The following NEGR1 variants were observed in gnomAD, a reference collection of about 807,000 sequenced individuals.
NEGR1 encodes the protein IgLON family member 4.
Under a neutral mutation model 40.9 loss-of-function variants are expected in NEGR1, and 10 were observed. The observed-to-expected ratio is 0.24, with a 90% CI of 0.15 to 0.42. The LOEUF is 0.42. NEGR1 is among the 10% of genes least tolerant of loss of function. The probability of loss-of-function intolerance (pLI) is 1.00; values close to 1 mark genes in which losing one functional copy is unlikely to be tolerated. For synonymous variants in NEGR1, 185 were observed against 166.8 expected (o/e 1.11, Z -0.84); for missense variants, 352 against 438.9 (o/e 0.80, Z 1.77).
At chr1:72,226,484 A>G (rs962581248) in intron 1 of NEGR1, among the ~76,000 whole-genome samples, 2 of 152,022 alleles carry the variant, frequency 1.3e-5, no homozygotes, top group Non-Finnish European at 2.9e-5. Context: ...GAATATTGAG[A>G]AAATAATTAT....
At chr1:71,769,467 C>T (rs1315093106) in intron 3 of NEGR1, among the ~76,000 whole-genome samples, 1 of 152,064 alleles carries the variant, frequency 6.6e-6, no homozygotes, top group African/African-American at 2.4e-5. Flanking sequence ...TTCCCATAAT[C>T]CCCATGTGTT....
At chr1:72,140,345 A>G (rs1052345105) in intron 1 of NEGR1, among the ~76,000 whole-genome samples, 1 of 152,058 alleles carries the variant, frequency 6.6e-6, no homozygotes, top group African/African-American at 2.4e-5. Context: ...AAATAAATTT[A>G]CTGGCTCACA....
intron 6 of NEGR1, among the ~76,000 whole-genome samples, chr1:71,574,066 C>CA (rs1648885715): frequency 6.6e-6 from 1 of 152,164 alleles, no homozygotes; most frequent in Non-Finnish European, 1.5e-5. Context: ...TTATTCAGGC[C>CA]ATTTCTTACA....
At chr1:72,225,444 C>A (rs1654161286) in intron 1 of NEGR1, among the ~76,000 whole-genome samples, 1 of 151,238 alleles carries the variant, frequency 6.6e-6, no homozygotes, top group African/African-American at 2.4e-5. Context: ...TCTTAATATT[C>A]ATATTTTACA....
At chr1:72,013,151 T>C (rs1252942106) in intron 1 of NEGR1, among the ~76,000 whole-genome samples, 1 of 151,962 alleles carries the variant, frequency 6.6e-6, no homozygotes, top group African/African-American at 2.4e-5. Flanking sequence ...GGAGCATGAA[T>C]GGACCCCAGA....
At chr1:71,798,431 C>A (rs530562359) in intron 2 of NEGR1, among the ~76,000 whole-genome samples, 3 of 152,090 alleles carry the variant, frequency 2.0e-5, no homozygotes, top group African/African-American at 7.2e-5. Flanking sequence ...CATTAGGTGA[C>A]AATAAAAATT....
At chr1:71,421,907 C>T in intron 6 of NEGR1, among the ~76,000 whole-genome samples, 1 of 146,228 alleles carries the variant, frequency 6.8e-6, no homozygotes. Context: ...TTAATATCTC[C>T]TTGTTACACT....
intron 1 of NEGR1, among the ~76,000 whole-genome samples, chr1:72,190,034 G>A (rs1245802205): frequency 2.6e-5 from 4 of 151,184 alleles, no homozygotes; most frequent in Non-Finnish European, 5.9e-5. Context: ...AGAAGTCATC[G>A]ACCTAGAATC....
intron 1 of NEGR1, among the ~76,000 whole-genome samples, chr1:72,077,036 A>C (rs1305624305): frequency 2.0e-5 from 3 of 151,704 alleles, no homozygotes; most frequent in African/African-American, 7.3e-5. Context: ...GTAGGTCTAC[A>C]GGTGCCCGCC....
intron 4 of NEGR1, among the ~76,000 whole-genome samples, chr1:71,684,788 T>C (rs1652972016): frequency 6.6e-6 from 1 of 152,198 alleles, no homozygotes; most frequent in Non-Finnish European, 1.5e-5. Context: ...ATTCTCCCGG[T>C]AATATGGTTG....
At chr1:71,588,991 C>A (rs1649407268) in intron 6 of NEGR1, among the ~76,000 whole-genome samples, 1 of 152,124 alleles carries the variant, frequency 6.6e-6, no homozygotes, top group African/African-American at 2.4e-5. Flanking sequence ...CATAGCCTAA[C>A]CTCTGAAAAG....
intron 3 of NEGR1, among the ~76,000 whole-genome samples, chr1:71,705,611 T>C (rs1308821066): frequency 6.6e-6 from 1 of 152,204 alleles, no homozygotes; most frequent in East Asian, 1.9e-4. Context: ...TCCCAGCTAC[T>C]CAGGAGGCTG....
chr1:71,576,847 G>T (rs567721970), intron 6 of NEGR1, among the ~76,000 whole-genome samples: 1 of 152,256 alleles, frequency 6.6e-6, no homozygotes, highest in African/African-American at 2.4e-5. Context: ...TAGATTTGAT[G>T]CTTTGAACTG....
chr1:71,924,672 G>A (rs1229460489), intron 2 of NEGR1, among the ~76,000 whole-genome samples: 1 of 152,148 alleles, frequency 6.6e-6, no homozygotes, highest in Admixed American at 6.5e-5. Context: ...TACAGTCTTT[G>A]TAGCTAACTC....
intron 1 of NEGR1, among the ~76,000 whole-genome samples, chr1:72,214,138 G>A (rs900551797): frequency 6.6e-6 from 1 of 151,674 alleles, no homozygotes; most frequent in Non-Finnish European, 1.5e-5. Context: ...CAGTAGATTC[G>A]GAAAAAGCCT....
intron 1 of NEGR1, among the ~76,000 whole-genome samples, chr1:72,269,443 A>C (rs1251886032): frequency 6.6e-6 from 1 of 151,706 alleles, no homozygotes; most frequent in Non-Finnish European, 1.5e-5. Context: ...TTTAAGGACT[A>C]GAGTGCACAA....
At position 72,273,343 on chromosome 1, in the gene NEGR1, T is replaced by A. The variant is rs187968327; in HGVS notation, c.176+8976A>T. Among the ~76,000 whole-genome samples the A allele has an allele frequency of 2.6e-5, 4 of 152,102 alleles. No homozygotes were observed. The East Asian group carries it at 7.8e-4, about 30-fold the overall frequency. On this transcript the variant is annotated intron_variant, in intron 1 of 6. Transcript: ENST00000357731. ...TAGGAGAAAGGAAGAGAAGGCTCCA[T>A]AAGTCGAGGTAGAAACAGAAATAAA...
intron 1 of NEGR1, among the ~76,000 whole-genome samples, chr1:72,277,667 A>C (rs1557610881): frequency 6.6e-6 from 1 of 152,126 alleles, no homozygotes; most frequent in Non-Finnish European, 1.5e-5. Context: ...CTGATAATTC[A>C]TTATCCCTGC....
intron 4 of NEGR1, among the ~76,000 whole-genome samples, chr1:71,639,354 A>G (rs538544185): frequency 7.9e-5 from 12 of 152,186 alleles, no homozygotes; most frequent in Non-Finnish European, 1.8e-4. Context: ...CAGTTCTTCA[A>G]TGTGCAGCTA....
Sources: gnomAD v4.1 joint callset for allele counts (sites outside exome capture counted in the v4.1 genomes callset) on GRCh38, gnomAD v4.1.1 for gene constraint, MANE v1.5 for transcripts, NCBI Gene and HGNC (gene_info 2026-07-23, HGNC 2026-07-21) for gene names.